Variants in NTRK2 observed in about 807,000 individuals in gnomAD.
The protein encoded by NTRK2 is BDNF/NT-3 growth factors receptor.
A neutral mutation model predicts 94.5 loss-of-function variants in NTRK2; 13 were observed. The observed-to-expected ratio is 0.14, with a 90% CI of 0.09 to 0.22. NTRK2 has a LOEUF of 0.22. Among genes scored for constraint, NTRK2 ranks in the 10% least tolerant of loss-of-function variants. NTRK2 has a pLI of 1.00. For synonymous variants in NTRK2, 372 were observed against 407.4 expected (o/e 0.91, Z 1.05); for missense variants, 639 against 1,071.2 (o/e 0.60, Z 5.63).
chr9:84,703,781 G>A (rs1210466911), intron 4 of NTRK2, among the ~76,000 whole-genome samples: 1 of 152,040 alleles, frequency 6.6e-6, no homozygotes, highest in Non-Finnish European at 1.5e-5. Context: ...AAAACTCCAG[G>A]GAACTTTATT....
chr9:84,957,368 C>G (rs941949687), intron 17 of NTRK2, among the ~76,000 whole-genome samples: 6 of 152,016 alleles, frequency 3.9e-5, no homozygotes, highest in Non-Finnish European at 8.8e-5. Context: ...CTAGGAATCT[C>G]CAAAAATAAT....
intron 12 of NTRK2, among the ~76,000 whole-genome samples, chr9:84,851,710 A>G (rs1356103897): frequency 6.6e-6 from 1 of 152,174 alleles, no homozygotes; most frequent in Non-Finnish European, 1.5e-5. Flanking sequence ...TGGTGGGAAG[A>G]ATTCAGGTAC....
intron 14 of NTRK2, among the ~76,000 whole-genome samples, chr9:84,915,111 C>A (rs2077356258): frequency 6.6e-6 from 1 of 152,198 alleles, no homozygotes; most frequent in Non-Finnish European, 1.5e-5. Flanking sequence ...TCTAATGCCG[C>A]TGCCGATCTA....
At chr9:84,917,527 T>A (rs571299582) in intron 14 of NTRK2, among the ~76,000 whole-genome samples, 6 of 152,266 alleles carry the variant, frequency 3.9e-5, no homozygotes, top group African/African-American at 1.4e-4. Flanking sequence ...ATCGAGTTTG[T>A]CCACAGCCCT....
chr9:84,803,514 G>A (rs142572646), intron 12 of NTRK2, among the ~76,000 whole-genome samples: 111 of 152,272 alleles, frequency 7.3e-4, no homozygotes, highest in African/African-American at 2.6e-3. Context: ...GGGCAGTGAG[G>A]AGGAGGCAAT....
chr9:84,764,355 G>A (rs992705581), intron 12 of NTRK2, among the ~76,000 whole-genome samples: 5 of 152,250 alleles, frequency 3.3e-5, no homozygotes, highest in Admixed American at 3.3e-4. Context: ...GGGTTGCAGA[G>A]GTGTTTTTCT....
At chr9:84,870,124 TATACACACACACACAC>T (rs2075780302) in intron 14 of NTRK2, among the ~76,000 whole-genome samples, 1 of 109,970 alleles carries the variant, frequency 9.1e-6, no homozygotes, top group Non-Finnish European at 2.0e-5. Context: ...TATATATATA[TATACACACACACACAC>T]ATATATATAC....
rs559425960 is a variant in NTRK2, at chr9:84,931,416, A to G, written c.1634-2746A>G. ...AGCGAGACTCTGTCTCAAAAAAAAA[A>G]AGAGAGAGAGAGAGAGAGAGAGAAA... On this transcript the variant is annotated intron_variant, in intron 14 of 18. Coordinates refer to ENST00000277120, the MANE Select transcript of NTRK2 (RefSeq NM_006180.6). Among the ~76,000 whole-genome samples, 732 of 147,892 alleles carry G rather than the reference A, an allele frequency of 4.9e-3. 22 individuals carry two copies. The East Asian group carries it at 0.079, about 16-fold the overall frequency.
At chr9:84,974,844 C>T (rs1009799797) in intron 17 of NTRK2, among the ~76,000 whole-genome samples, 1 of 152,136 alleles carries the variant, frequency 6.6e-6, no homozygotes, top group Non-Finnish European at 1.5e-5. Flanking sequence ...TCAAGGAAGT[C>T]GCCGGCTGTT....
At chr9:84,838,578 C>A (rs910574467) in intron 12 of NTRK2, among the ~76,000 whole-genome samples, 3 of 151,834 alleles carry the variant, frequency 2.0e-5, no homozygotes, top group African/African-American at 7.3e-5. Flanking sequence ...TTATACTTAC[C>A]GCATTTTCCA....
At chr9:84,939,533 T>A (rs1039043985) in intron 15 of NTRK2, among the ~76,000 whole-genome samples, 1 of 152,298 alleles carries the variant, frequency 6.6e-6, no homozygotes, top group Middle Eastern at 3.4e-3. Context: ...GTCGTTTATA[T>A]GGAAGGATGG....
intron 12 of NTRK2, among the ~76,000 whole-genome samples, chr9:84,821,320 TACACACACAC>T (rs879336780): frequency 1.3e-5 from 1 of 79,022 alleles, no homozygotes; most frequent in Non-Finnish European, 3.1e-5. Context: ...CACAAGAATT[TACACACACAC>T]ACACACACAC....
chr9:84,878,222 A>G (rs2076142810), intron 14 of NTRK2, among the ~76,000 whole-genome samples: 1 of 152,262 alleles, frequency 6.6e-6, no homozygotes, highest in African/African-American at 2.4e-5. Flanking sequence ...CAAAAGATCT[A>G]TGAAGAAAAT....
chr9:84,792,042 A>G (rs1330456976), intron 12 of NTRK2, among the ~76,000 whole-genome samples: 1 of 152,216 alleles, frequency 6.6e-6, no homozygotes, highest in Non-Finnish European at 1.5e-5. Flanking sequence ...ATGGAATGTG[A>G]AAGAAAATCT....
chr9:84,719,656 C>G (rs966775018), intron 6 of NTRK2, among the ~76,000 whole-genome samples: 1 of 152,070 alleles, frequency 6.6e-6, no homozygotes, highest in Non-Finnish European at 1.5e-5. Context: ...ACCTTGAGAA[C>G]AAGCACCATG....
At chr9:84,815,659 T>C in intron 12 of NTRK2, 3 of 996,990 alleles carry the variant, frequency 3.0e-6, no homozygotes, top group Non-Finnish European at 3.6e-6. Context: ...ATGTACTTGC[T>C]GAATTCAATC....
intron 4 of NTRK2, among the ~76,000 whole-genome samples, chr9:84,705,735 A>G (rs1418721973): frequency 6.7e-6 from 1 of 150,354 alleles, no homozygotes; most frequent in East Asian, 2.0e-4. Context: ...ACTGTGGAAG[A>G]TAGGCAGACT....
In NTRK2 at chr9:84,931,730, A is replaced by C. The variant is rs887435468; in HGVS notation, c.1634-2432A>C. Among the ~76,000 whole-genome samples, 159 of 151,486 alleles carry C rather than the reference A, an allele frequency of 1.0e-3. 1 individual carries two copies. The highest frequency in any genetic ancestry group is 1.4e-3 in the Admixed American group (21 of 15,152). Reference sequence around the variant, plus strand: ...GTAATAAAATGCAAAAAAAAAAAAAACAAAAAAAACCAACGTTAAATACTT... The same window carrying C: ...GTAATAAAATGCAAAAAAAAAAAAACCAAAAAAAACCAACGTTAAATACTT... On this transcript the variant is annotated intron_variant, in intron 14 of 18. Coordinates refer to ENST00000277120, the MANE Select transcript of NTRK2 (RefSeq NM_006180.6).
chr9:84,815,266 C>G lies in NTRK2; in HGVS notation c.1397-45774C>G, dbSNP rs186878367. ...GAGTGAGCACCCAGAATGTGTTGAACCAACCCCCACCCCTAACTACTGACT... is the reference window on the plus strand; with the variant it reads ...GAGTGAGCACCCAGAATGTGTTGAAGCAACCCCCACCCCTAACTACTGACT... On this transcript the variant is annotated intron_variant, in intron 12 of 18. Coordinates refer to ENST00000277120, the MANE Select transcript of NTRK2 (RefSeq NM_006180.6). 6.6e-3 allele frequency: 6,962 copies of G among 1,053,798 alleles called. 24 individuals are homozygous for G. The highest frequency in any genetic ancestry group is 7.5e-3 in the Non-Finnish European group (6,532 of 872,016). The allele number at this position is 1,053,798 out of a possible 1,614,324, so 65.3% of individuals were successfully genotyped here.
Sources: allele counts gnomAD v4.1 joint callset (sites outside exome capture counted in the v4.1 genomes callset), GRCh38; gene constraint gnomAD v4.1.1; transcripts MANE v1.5; gene names NCBI Gene and HGNC (gene_info 2026-07-23, HGNC 2026-07-21).